The following TMEM63C variants were observed in gnomAD, a reference collection of about 807,000 sequenced individuals.
The protein encoded by TMEM63C is transmembrane protein 63C.
In TMEM63C, 32 loss-of-function variants were observed where a neutral mutation model predicts 99.2. The ratio of observed to expected loss-of-function variants is 0.32; its 90% CI spans 0.24 to 0.43. The LOEUF is 0.43. Among genes scored for constraint, TMEM63C ranks in the 20% least tolerant of loss-of-function variants. The pLI, the probability that TMEM63C is intolerant of heterozygous loss-of-function variation, is 1.00. For synonymous variants in TMEM63C, 376 were observed against 397.9 expected, an observed-to-expected ratio of 0.94 and a Z score of 0.66; for missense variants, 826 against 1,053.0, an observed-to-expected ratio of 0.78 and a Z score of 2.98.
At chr14:77,190,236 T>C (rs1027904083) in intron 1 of TMEM63C, among the ~76,000 whole-genome samples, 2 of 151,906 alleles carry the variant, frequency 1.3e-5, no homozygotes, top group Non-Finnish European at 2.9e-5. Flanking sequence ...TCAGGAGAGG[T>C]AGAAAGTCCC....
intron 15 of TMEM63C, among the ~76,000 whole-genome samples, chr14:77,243,291 G>A (rs1003796984): frequency 4.6e-5 from 7 of 152,192 alleles, no homozygotes; most frequent in African/African-American, 1.7e-4. Flanking sequence ...GGAGAGTGGG[G>A]AGTCCACAGG....
At chr14:77,244,003 G>T (rs1889227005) in intron 15 of TMEM63C, among the ~76,000 whole-genome samples, 2 of 152,132 alleles carry the variant, frequency 1.3e-5, no homozygotes, top group South Asian at 2.1e-4. Context: ...GCTCTCCCTG[G>T]GGACTCCTCC....
chr14:77,219,732 T>C (rs1888655340), intron 4 of TMEM63C, among the ~76,000 whole-genome samples, 155 bp downstream of exon 4: 1 of 152,202 alleles, frequency 6.6e-6, no homozygotes, highest in Non-Finnish European at 1.5e-5. Context: ...GGAAGGGGAC[T>C]TGGAGGGCAG....
intron 6 of TMEM63C, 102 bp from the exon 7 acceptor site, chr14:77,231,486 G>T: frequency 5.5e-6 from 7 of 1,261,868 alleles, no homozygotes; most frequent in Admixed American, 4.9e-5. Context: ...AAAAAAACTT[G>T]GGGAGGGGGT....
At position 77,239,483 on chromosome 14, in the gene TMEM63C, A is replaced by C; in HGVS notation, c.797A>C (p.Asp266Ala). Reference sequence around the variant, plus strand: ...GACGTCAGGAACCTGATCGACTTGGACGATCAGAGGTGAGGCTGCAGCGGG... The same window carrying C: ...GACGTCAGGAACCTGATCGACTTGGCCGATCAGAGGTGAGGCTGCAGCGGG... ...CYDVRNLIDL[D>A]DQRRHAMRGR... The change falls in exon 11 of 24, where the codon GAC becomes GCC. Residue 266 changes from aspartate (D) to alanine (A), a missense_variant. Coordinates refer to ENST00000298351, the MANE Select transcript of TMEM63C (RefSeq NM_020431.4). 6.2e-7 allele frequency: 1 copy of C among 1,613,472 alleles called. No individual in the cohort carries two copies. Among genetic ancestry groups the C allele is most frequent in the Non-Finnish European group, 8.5e-7 (1 of 1,179,836 alleles).
chr14:77,251,903 G>C lies in TMEM63C; in HGVS notation c.2148+5G>C. 6.2e-7 allele frequency: 1 copy of C among 1,608,170 alleles called. No individual in the cohort carries two copies. The highest frequency in any genetic ancestry group is 1.1e-5 in the South Asian group (1 of 90,986). ...CGGATGGTTGCCGACTACGAGGTGA[G>C]TTGCCAGCCTGCCCCTCCTCCTGGT... On this transcript the variant is annotated splice_donor_5th_base_variant and intron_variant, in intron 22 of 23. Transcript: ENST00000298351.
chr14:77,189,693 A>G (rs1888069666), intron 1 of TMEM63C, among the ~76,000 whole-genome samples: 1 of 152,252 alleles, frequency 6.6e-6, no homozygotes, highest in African/African-American at 2.4e-5. Flanking sequence ...TGAGATGTCT[A>G]TGGAAAGGTG....
chr14:77,249,679 G>A (rs79576732), intron 21 of TMEM63C, among the ~76,000 whole-genome samples: 3,659 of 152,272 alleles, frequency 0.024, 144 homozygotes, highest in African/African-American at 0.084. Context: ...ATGGTCCCCA[G>A]GTGTGGATTT....
chr14:77,204,910 A>G (rs1374372769), intron 1 of TMEM63C, among the ~76,000 whole-genome samples: 1 of 152,214 alleles, frequency 6.6e-6, no homozygotes, highest in Non-Finnish European at 1.5e-5. Flanking sequence ...TTGGGCCCAG[A>G]GAGTCTAGTA....
chr14:77,256,526 C>T lies in TMEM63C; in HGVS notation c.2221C>T (p.Leu741=), dbSNP rs1170178324. 3 of 1,613,830 alleles carry T rather than the reference C, an allele frequency of 1.9e-6. No individual in the cohort carries two copies. Among genetic ancestry groups the T allele is most frequent in the African/African-American group, 1.3e-5 (1 of 74,906 alleles). The change falls in exon 24 of 24, where the codon CTG becomes TTG. Residue 741 remains leucine, a splice_region_variant and synonymous_variant. Coordinates refer to ENST00000298351, the MANE Select transcript of TMEM63C (RefSeq NM_020431.4). ...TGTCCCCTGTCTCTATCCCAAGCAG[C>T]TGTATGTGGCCACCGTGCTGCAAGA... ...SSTSSTPTSL[L]YVATVLQEPE...
rs189119233 is a variant in TMEM63C at position 77,194,107 on chromosome 14, C to T, written c.-77+12213C>T. 3.0e-3 allele frequency among the ~76,000 whole-genome samples: 456 copies of T among 152,228 alleles called. 4 individuals carry two copies. The highest frequency in any genetic ancestry group is 0.011 in the African/African-American group (437 of 41,536). ...GATGTTGATTACAGCTTTGCTTGTG[C>T]AGCAAAAAATGTAGAAATAACCTAA... On this transcript the variant is annotated intron_variant, in intron 1 of 23. Coordinates refer to ENST00000298351, the MANE Select transcript of TMEM63C (RefSeq NM_020431.4).
chr14:77,213,897 C>T (rs1888534052), intron 2 of TMEM63C, among the ~76,000 whole-genome samples: 1 of 152,152 alleles, frequency 6.6e-6, no homozygotes, highest in Non-Finnish European at 1.5e-5. Context: ...AGGCAAGAGA[C>T]TCCCGGATCC....
At chr14:77,204,464 ACT>A (rs1283836422) in intron 1 of TMEM63C, among the ~76,000 whole-genome samples, 1 of 151,950 alleles carries the variant, frequency 6.6e-6, no homozygotes, top group African/African-American at 2.4e-5. Flanking sequence ...CAGCCAAAAC[ACT>A]CTCATCACGG....
intron 2 of TMEM63C, among the ~76,000 whole-genome samples, chr14:77,217,217 C>T (rs528564832): frequency 6.6e-5 from 10 of 152,254 alleles, no homozygotes; most frequent in African/African-American, 2.4e-4. Context: ...CCTGTGCAGC[C>T]CACTGGTCTG....
chr14:77,233,354 A>G, intron 7 of TMEM63C, 98 bp from the exon 8 acceptor site: 1 of 1,273,902 alleles, frequency 7.8e-7, no homozygotes, highest in Middle Eastern at 2.1e-4. Flanking sequence ...AAAGGCAAGC[A>G]TCTCCAGACC....
At chr14:77,224,923 C>T (rs1888790328) in intron 5 of TMEM63C, among the ~76,000 whole-genome samples, 1 of 152,072 alleles carries the variant, frequency 6.6e-6, no homozygotes, top group African/African-American at 2.4e-5. Context: ...CTGCCTCAGC[C>T]TCTTGAGCTG....
intron 6 of TMEM63C, among the ~76,000 whole-genome samples, chr14:77,231,016 T>C (rs1318341886): frequency 1.6e-4 from 24 of 152,242 alleles, no homozygotes; most frequent in Non-Finnish European, 1.0e-4. Context: ...TGTATTCCAT[T>C]TCAGTAGATA....
intron 6 of TMEM63C, among the ~76,000 whole-genome samples, chr14:77,225,998 G>A (rs1888814790): frequency 6.6e-6 from 1 of 152,094 alleles, no homozygotes; most frequent in Non-Finnish European, 1.5e-5. Context: ...CCTGCAAGCT[G>A]ACCTCAAGTT....
Position 77,249,343 on chromosome 14 carries a change from C to T in TMEM63C, c.1923C>T (p.Tyr641=). 1 of 1,614,032 alleles carries T rather than the reference C, an allele frequency of 6.2e-7. No homozygotes were observed. Among genetic ancestry groups the T allele is most frequent in the Non-Finnish European group, 8.5e-7 (1 of 1,179,896 alleles). The stretch of plus-strand genomic sequence containing the variant: ...TGACGGATCGCTATAACATGTACTA[C>T]TCCTTTGCACCCACCAAACTGAACG... ...KHLTDRYNMY[Y]SFAPTKLNEQ... Residue 641 remains tyrosine, a synonymous_variant, in exon 21 of 24, where the codon TAC becomes TAT. Coordinates refer to ENST00000298351, the MANE Select transcript of TMEM63C (RefSeq NM_020431.4).
Sources: allele counts gnomAD v4.1 joint callset (sites outside exome capture counted in the v4.1 genomes callset), GRCh38; gene constraint gnomAD v4.1.1; transcripts MANE v1.5; gene names NCBI Gene and HGNC (gene_info 2026-07-23, HGNC 2026-07-21).